Variants in WDR59 observed in about 807,000 individuals in gnomAD.
The protein encoded by WDR59 is GATOR2 complex protein WDR59.
WDR59 carries 100 observed loss-of-function variants against 131.2 expected under a neutral mutation model. The ratio of observed to expected loss-of-function variants is 0.76; its 90% CI spans 0.65 to 0.90. The LOEUF is 0.90. Among genes scored for constraint, WDR59 ranks in the 40% least tolerant of loss-of-function variants. WDR59 has a pLI of 0.00. For missense variants in WDR59, 1,203 were observed against 1,262.2 expected, an observed-to-expected ratio of 0.95 and a Z score of 0.71; for synonymous variants, 601 against 466.2, an observed-to-expected ratio of 1.29 and a Z score of -3.72.
rs1162042042 is a variant in WDR59, at chr16:74,981,613, CATATATATATAT to C, written c.54+3339_54+3350del. Among the ~76,000 whole-genome samples the C allele has an allele frequency of 1.9e-3, 54 of 27,788 alleles. 1 individual carries two copies. The highest frequency in any genetic ancestry group is 6.8e-3 in the African/African-American group (49 of 7,170). 18.2% of individuals were successfully genotyped at this position (27,788 alleles called of 152,430 possible). On this transcript the variant is annotated intron_variant, in intron 1 of 25. Coordinates refer to ENST00000262144, the MANE Select transcript of WDR59 (RefSeq NM_030581.4). ...TTTTTAGACAATACATATACATTTA[CATATATATATAT>C]ATATATATATATATATATATATATA... is the stretch of plus-strand genomic sequence containing the variant.
At chr16:74,899,090 A>T (rs911427809) in intron 18 of WDR59, among the ~76,000 whole-genome samples, 1 of 152,184 alleles carries the variant, frequency 6.6e-6, no homozygotes, top group Non-Finnish European at 1.5e-5. Context: ...AAGACAGAAG[A>T]GGGGAAATGG....
Position 74,916,252 on chromosome 16 carries a change from G to A in WDR59, c.974C>T (p.Ala325Val). 1 of 1,613,840 alleles carries A rather than the reference G, an allele frequency of 6.2e-7. No homozygotes were observed. Among genetic ancestry groups the A allele is most frequent in the Non-Finnish European group, 8.5e-7 (1 of 1,179,912 alleles). The change falls in exon 12 of 26, where the codon GCA becomes GTA. Residue 325 changes from alanine to valine, a missense_variant. By Grantham distance (64) the Ala-to-Val change is moderately conservative. Transcript: ENST00000262144. ...ATCAACACCATCTAATATGTCATTTGCACAAAGCTGCAACAAAGGGTAGAA... is the reference window on the plus strand; with the variant it reads ...ATCAACACCATCTAATATGTCATTTACACAAAGCTGCAACAAAGGGTAGAA... ...RVDSQMQRLC[A>V]NDILDGVDEF...
At chr16:74,908,642 A>G in intron 17 of WDR59, 1 of 369,432 alleles carries the variant, frequency 2.7e-6, no homozygotes. Context: ...AATAGGGGAA[A>G]GGCACATTTA....
intron 18 of WDR59, among the ~76,000 whole-genome samples, chr16:74,894,558 G>C (rs964753518): frequency 4.6e-5 from 7 of 152,106 alleles, no homozygotes; most frequent in Admixed American, 1.3e-4. Context: ...TCTTTAAAAT[G>C]ACAAACCAAG....
At chr16:74,885,005 T>C (rs1229422458) in intron 25 of WDR59, among the ~76,000 whole-genome samples, 1 of 152,198 alleles carries the variant, frequency 6.6e-6, no homozygotes, top group Non-Finnish European at 1.5e-5. Context: ...ATTACTTAAT[T>C]TTCCCCCCTA....
chr16:74,951,808 C>A (rs1036946296), intron 3 of WDR59, among the ~76,000 whole-genome samples: 6 of 152,178 alleles, frequency 3.9e-5, no homozygotes, highest in Admixed American at 3.9e-4. Flanking sequence ...CACAGCTGAA[C>A]TGAAGGTGCA....
intron 1 of WDR59, among the ~76,000 whole-genome samples, chr16:74,980,050 G>A (rs11649457): frequency 6.6e-6 from 1 of 150,958 alleles, no homozygotes; most frequent in African/African-American, 2.4e-5. Context: ...TAGTAGAAAC[G>A]GGCTTTCACC....
intron 18 of WDR59, among the ~76,000 whole-genome samples, chr16:74,900,397 A>G (rs1965497203): frequency 1.3e-5 from 2 of 152,208 alleles, no homozygotes; most frequent in African/African-American, 4.8e-5. Context: ...CAATATGAGT[A>G]TCTGTTTACG....
At chr16:74,946,615 G>A (rs530093437) in intron 6 of WDR59, among the ~76,000 whole-genome samples, 64 of 152,122 alleles carry the variant, frequency 4.2e-4, no homozygotes, top group East Asian at 2.9e-3. Context: ...CCAGCTACTC[G>A]GGAGGCGGAG....
intron 13 of WDR59, 45 bp downstream of exon 13, chr16:74,915,825 A>T: frequency 4.3e-6 from 7 of 1,612,184 alleles, no homozygotes; most frequent in Non-Finnish European, 5.9e-6. Context: ...CTCTCCCACA[A>T]ACTGCCATCA....
At chr16:74,960,330 A>G (rs2033502319) in intron 2 of WDR59, among the ~76,000 whole-genome samples, 1 of 151,534 alleles carries the variant, frequency 6.6e-6, no homozygotes, top group Non-Finnish European at 1.5e-5. Flanking sequence ...AACTCCATCT[A>G]AAAAAAAGAA....
intron 20 of WDR59, among the ~76,000 whole-genome samples, chr16:74,891,369 A>G (rs1255871260): frequency 1.3e-5 from 2 of 152,214 alleles, no homozygotes; most frequent in African/African-American, 4.8e-5. Flanking sequence ...CTTGAAAAAT[A>G]TACAGAAGGT....
In WDR59 at chr16:74,909,594, G is replaced by T; in HGVS notation, c.1549C>A (p.Pro517Thr). The change falls in exon 16 of 26, where the codon CCG becomes ACG. Residue 517 changes from proline to threonine, a missense_variant. Physicochemically the swap from Pro to Thr is conservative, Grantham distance 38. Coordinates refer to ENST00000262144, the MANE Select transcript of WDR59 (RefSeq NM_030581.4). ...ALPNSVTPPLPTFARVTTAYG... is the reference protein window; with the variant it reads ...ALPNSVTPPLTTFARVTTAYG... ...GCCGTGGTCACCCGCGCAAACGTCGGTAAGGGGGGAGTGACAGAGTTGGGG... is the reference window on the plus strand; with the variant it reads ...GCCGTGGTCACCCGCGCAAACGTCGTTAAGGGGGGAGTGACAGAGTTGGGG... The T allele has an allele frequency of 3.7e-6, 6 of 1,609,954 alleles. No homozygotes were observed. Among genetic ancestry groups the T allele is most frequent in the Non-Finnish European group, 5.1e-6 (6 of 1,178,458 alleles).
chr16:74,941,128 T>G (rs998795667), intron 7 of WDR59, among the ~76,000 whole-genome samples: 1 of 151,718 alleles, frequency 6.6e-6, no homozygotes, highest in Admixed American at 6.6e-5. Flanking sequence ...GAGGATCGCT[T>G]GACCCCAGGA....
At chr16:74,976,265 C>A (rs1423005297) in intron 1 of WDR59, among the ~76,000 whole-genome samples, 1 of 152,052 alleles carries the variant, frequency 6.6e-6, no homozygotes, top group Non-Finnish European at 1.5e-5. Context: ...AGTCCTCAAT[C>A]TTTATCTTTG....
chr16:74,945,921 A>G (rs1197579214), intron 6 of WDR59, among the ~76,000 whole-genome samples: 2 of 151,238 alleles, frequency 1.3e-5, no homozygotes, highest in African/African-American at 4.9e-5. Context: ...AGGTTCAAGC[A>G]ATTCTCCTGC....
chr16:74,887,002 G>A (rs1370061482), intron 23 of WDR59, among the ~76,000 whole-genome samples: 1 of 152,042 alleles, frequency 6.6e-6, no homozygotes, highest in Non-Finnish European at 1.5e-5. Flanking sequence ...TTATTTACGA[G>A]GACTTTTTGA....
chr16:74,874,973 GC>G, intron 25 of WDR59, among the ~76,000 whole-genome samples: 1 of 152,082 alleles, frequency 6.6e-6, no homozygotes, highest in East Asian at 1.9e-4. Context: ...TTTCTCAGGG[GC>G]TCCGCATGGA....
intron 6 of WDR59, among the ~76,000 whole-genome samples, chr16:74,945,425 T>G (rs561810937): frequency 2.0e-5 from 3 of 151,234 alleles, no homozygotes; most frequent in African/African-American, 7.3e-5. Context: ...TGCGGTGAGC[T>G]GAGATCATGC....
Sources: allele counts gnomAD v4.1 joint callset (sites outside exome capture counted in the v4.1 genomes callset), GRCh38; gene constraint gnomAD v4.1.1; transcripts MANE v1.5; gene names NCBI Gene and HGNC (gene_info 2026-07-23, HGNC 2026-07-21).